Variants in RBPMS2 observed in about 807,000 individuals in gnomAD.
RBPMS2 encodes the protein RNA-binding protein with multiple splicing 2.
In RBPMS2, 14 loss-of-function variants were observed where a neutral mutation model predicts 25.7. That is an observed-to-expected ratio of 0.55 (90% CI 0.36 to 0.85). The LOEUF (loss-of-function observed/expected upper bound fraction) is 0.85. RBPMS2 is among the 40% of genes least tolerant of loss of function. RBPMS2 has a pLI of 0.01. For missense variants in RBPMS2, 252 were observed against 283.4 expected, an observed-to-expected ratio of 0.89 and a Z score of 0.80; for synonymous variants, 127 against 115.6, an observed-to-expected ratio of 1.10 and a Z score of -0.63.
chr15:64,752,351 A>G (rs558222059), intron 1 of RBPMS2, among the ~76,000 whole-genome samples: 24 of 152,224 alleles, frequency 1.6e-4, no homozygotes, highest in Admixed American at 4.6e-4. Context: ...TGTAAAGGAA[A>G]CAGAGTCCCA....
intron 1 of RBPMS2, among the ~76,000 whole-genome samples, chr15:64,758,196 G>A (rs546921795): frequency 4.1e-4 from 62 of 152,306 alleles, no homozygotes; most frequent in African/African-American, 1.4e-3. Flanking sequence ...GGCACCAAAC[G>A]CATTCACTTG....
At chr15:64,767,332 T>C (rs1204418090) in intron 1 of RBPMS2, among the ~76,000 whole-genome samples, 3 of 152,072 alleles carry the variant, frequency 2.0e-5, no homozygotes, top group African/African-American at 7.2e-5. Context: ...GCCAGAGGCG[T>C]GTGGATCCTT....
intron 1 of RBPMS2, among the ~76,000 whole-genome samples, chr15:64,761,965 A>C (rs8039008): frequency 1 from 152,152 of 152,156 alleles, 76,074 homozygotes; most frequent in Non-Finnish European, 1. Context: ...CCGCCTCAGC[A>C]TCCCAAAGTG....
At chr15:64,760,520 G>A (rs183031729) in intron 1 of RBPMS2, among the ~76,000 whole-genome samples, 390 of 152,128 alleles carry the variant, frequency 2.6e-3, no homozygotes, top group Non-Finnish European at 4.5e-3. Flanking sequence ...CCTTAGAATA[G>A]CCACGAAAGG....
intron 1 of RBPMS2, among the ~76,000 whole-genome samples, chr15:64,760,167 G>T (rs527442053): frequency 3.0e-4 from 46 of 152,322 alleles, no homozygotes; most frequent in Non-Finnish European, 5.1e-4. Flanking sequence ...ATGGGCTCGT[G>T]GGGGAGAAGG....
intron 1 of RBPMS2, among the ~76,000 whole-genome samples, chr15:64,759,261 G>A (rs2083760161): frequency 6.6e-6 from 1 of 152,202 alleles, no homozygotes; most frequent in African/African-American, 2.4e-5. Context: ...CCCCTGGAAT[G>A]GGGAATCCCC....
chr15:64,756,970 ATTTT>A (rs567804797), intron 1 of RBPMS2, among the ~76,000 whole-genome samples: 3 of 98,942 alleles, frequency 3.0e-5, no homozygotes, highest in African/African-American at 3.9e-5. Flanking sequence ...GCCCGGCCTC[ATTTT>A]TTTTTTTTTT....
At chr15:64,769,335 A>C (rs1314954595) in intron 1 of RBPMS2, among the ~76,000 whole-genome samples, 8 of 150,802 alleles carry the variant, frequency 5.3e-5, no homozygotes, top group Non-Finnish European at 1.2e-4. Flanking sequence ...GAGGCAGAAG[A>C]ATTGCTTGAA....
intron 7 of RBPMS2, 43 bp downstream of exon 7, chr15:64,741,130 G>A: frequency 6.9e-7 from 1 of 1,444,852 alleles, no homozygotes; most frequent in Non-Finnish European, 9.5e-7. Flanking sequence ...CAGGGAGCCG[G>A]AGTCTAGGAC....
chr15:64,750,017 T>C (rs1292864927), intron 3 of RBPMS2, among the ~76,000 whole-genome samples: 1 of 151,672 alleles, frequency 6.6e-6, no homozygotes, highest in African/African-American at 2.4e-5. Context: ...AATCGTGCCA[T>C]TGCACTCCAG....
intron 1 of RBPMS2, among the ~76,000 whole-genome samples, chr15:64,765,061 CTAAAA>C (rs1437317988): frequency 1.3e-5 from 2 of 150,018 alleles, no homozygotes; most frequent in East Asian, 3.9e-4. Flanking sequence ...CCCGTCTCTA[CTAAAA>C]ATACAAAAAA....
chr15:64,747,225 A>G (rs1047623322), intron 6 of RBPMS2, among the ~76,000 whole-genome samples: 2 of 152,280 alleles, frequency 1.3e-5, no homozygotes, highest in Admixed American at 6.5e-5. Flanking sequence ...TTGCTAGGGT[A>G]GCAGCCCCTG....
At chr15:64,762,440 G>A (rs746166180) in intron 1 of RBPMS2, 8 of 534,592 alleles carry the variant, frequency 1.5e-5, no homozygotes, top group South Asian at 2.8e-5. Flanking sequence ...CTAAGTTTAC[G>A]GCTTTCCTGT....
At chr15:64,753,681 A>T (rs1282534437) in intron 1 of RBPMS2, among the ~76,000 whole-genome samples, 1 of 152,048 alleles carries the variant, frequency 6.6e-6, no homozygotes, top group Non-Finnish European at 1.5e-5. Context: ...CTTGGGACGC[A>T]TCTTCTCCCT....
chr15:64,749,753 C>T lies in RBPMS2; in HGVS notation c.205-260G>A, dbSNP rs117433307. ...AAATGATGCCAACAGAGCTTAATTCCACTGAATTAAACGTCGCCCTTTTAG... is the reference window on the plus strand; with the variant it reads ...AAATGATGCCAACAGAGCTTAATTCTACTGAATTAAACGTCGCCCTTTTAG... On this transcript the variant is annotated intron_variant, in intron 3 of 7. Transcript: ENST00000300069. Among the ~76,000 whole-genome samples, 36 of 151,908 alleles carry T rather than the reference C, an allele frequency of 2.4e-4. No homozygotes were observed. In the East Asian group the frequency reaches 6.7e-3, roughly 28 times the overall value.
intron 1 of RBPMS2, among the ~76,000 whole-genome samples, chr15:64,770,989 G>C (rs2141080410): frequency 6.6e-6 from 1 of 152,308 alleles, no homozygotes; most frequent in South Asian, 2.1e-4. Context: ...GGGCAGGGAA[G>C]GGCAAAGCCC....
At chr15:64,767,202 C>T (rs373305831) in intron 1 of RBPMS2, among the ~76,000 whole-genome samples, 1 of 151,970 alleles carries the variant, frequency 6.6e-6, no homozygotes, top group Admixed American at 6.6e-5. Flanking sequence ...CGGGCTCAAG[C>T]GATCCTCCTA....
At chr15:64,744,474 C>T (rs1232734013) in intron 6 of RBPMS2, among the ~76,000 whole-genome samples, 4 of 150,542 alleles carry the variant, frequency 2.7e-5, no homozygotes, top group Admixed American at 1.3e-4. Context: ...AGAAGAATCA[C>T]TTGAACCTGG....
chr15:64,774,761 G>A (rs935317431), intron 1 of RBPMS2, among the ~76,000 whole-genome samples: 1 of 79,732 alleles, frequency 1.3e-5, no homozygotes, highest in South Asian at 3.6e-4. Flanking sequence ...CCAAGGTCAC[G>A]GGGAGGGGGT....
Sources: allele counts gnomAD v4.1 joint callset (sites outside exome capture counted in the v4.1 genomes callset), GRCh38; gene constraint gnomAD v4.1.1; transcripts MANE v1.5; gene names NCBI Gene and HGNC (gene_info 2026-07-23, HGNC 2026-07-21).